Variants in LINGO2 observed in about 807,000 individuals in gnomAD.
LINGO2 encodes leucine rich repeat and Ig domain containing 2, also known as leucine-rich repeat and immunoglobulin-like domain-containing nogo receptor-interacting protein 2.
In LINGO2, 14 loss-of-function variants were observed where a neutral mutation model predicts 30.6. The ratio of observed to expected loss-of-function variants is 0.46; its 90% CI spans 0.30 to 0.72. LINGO2 has a LOEUF of 0.72. Among genes scored for constraint, LINGO2 ranks in the 30% least tolerant of loss-of-function variants. LINGO2 has a pLI of 0.07. For synonymous variants in LINGO2, 317 were observed against 288.5 expected, an observed-to-expected ratio of 1.10 and a Z score of -1.00; for missense variants, 729 against 751.7, an observed-to-expected ratio of 0.97 and a Z score of 0.35.
intron 4 of LINGO2, among the ~76,000 whole-genome samples, chr9:28,087,438 C>T (rs973116363): frequency 5.9e-5 from 9 of 151,970 alleles, no homozygotes; most frequent in African/African-American, 9.7e-5. Flanking sequence ...AGGGTAAAAA[C>T]GAATACCTCT....
At chr9:28,909,719 C>A in the LINGO2 span, among the ~76,000 whole-genome samples, 6 of 152,002 alleles carry the variant, frequency 3.9e-5, no homozygotes, top group Admixed American at 3.3e-4. Flanking sequence ...GCAACTGCAT[C>A]ACCTGATGAG....
chr9:27,982,396 A>C (rs1820922823), intron 5 of LINGO2, among the ~76,000 whole-genome samples: 1 of 151,916 alleles, frequency 6.6e-6, no homozygotes, highest in South Asian at 2.1e-4. Context: ...GTTCAGTGTC[A>C]ACACATATAG....
chr9:28,426,080 A>T (rs874183), intron 2 of LINGO2, among the ~76,000 whole-genome samples: 2 of 151,934 alleles, frequency 1.3e-5, no homozygotes, highest in Admixed American at 6.6e-5. Context: ...TACTGAAATC[A>T]GCTACTTAAA....
the LINGO2 span, among the ~76,000 whole-genome samples, chr9:29,015,094 A>C: frequency 6.6e-6 from 1 of 152,102 alleles, no homozygotes; most frequent in Non-Finnish European, 1.5e-5. Flanking sequence ...ATTGGATTTA[A>C]TAATTCTTGA....
rs1825478861 is a variant in LINGO2 at position 28,601,587 on chromosome 9, T to C, written c.-365+68613A>G. Among the ~76,000 whole-genome samples, 2 of 152,108 alleles carry C rather than the reference T, an allele frequency of 1.3e-5. 1 individual carries two copies. Among genetic ancestry groups the C allele is most frequent in the South Asian group, 4.1e-4 (2 of 4,832 alleles). On this transcript the variant is annotated intron_variant, in intron 1 of 5. Coordinates refer to ENST00000379992, the Ensembl canonical transcript of LINGO2. ...GAGTGGCACAATTAGCATCTTATTA[T>C]GGTGTTTGCTTTCTTCTCTTTTTAT... is the stretch of plus-strand genomic sequence containing the variant.
At chr9:28,305,376 G>C (rs1030584704) in intron 3 of LINGO2, among the ~76,000 whole-genome samples, 2 of 151,932 alleles carry the variant, frequency 1.3e-5, no homozygotes, top group Non-Finnish European at 2.9e-5. Context: ...ATCCAGTTCA[G>C]TACGGCAAGA....
intron 5 of LINGO2, among the ~76,000 whole-genome samples, chr9:28,001,945 C>T (rs950088674): frequency 2.6e-5 from 4 of 152,242 alleles, no homozygotes; most frequent in African/African-American, 9.6e-5. Context: ...AAAAACTTGC[C>T]ACACCACACA....
intron 4 of LINGO2, among the ~76,000 whole-genome samples, chr9:28,038,840 C>T (rs557104799): frequency 2.1e-4 from 32 of 152,132 alleles, no homozygotes; most frequent in African/African-American, 6.3e-4. Context: ...GAAGAATATT[C>T]GCAAACCACA....
At chr9:28,655,728 C>A (rs972317518) in intron 1 of LINGO2, among the ~76,000 whole-genome samples, 3 of 151,904 alleles carry the variant, frequency 2.0e-5, no homozygotes, top group Admixed American at 2.0e-4. Context: ...GGGGCTCCCC[C>A]CTTCACTGGG....
chr9:29,027,604 C>G, the LINGO2 span, among the ~76,000 whole-genome samples: 2 of 152,164 alleles, frequency 1.3e-5, no homozygotes, highest in Non-Finnish European at 2.9e-5. Context: ...TCCCAGAGAG[C>G]TGCGATTACA....
chr9:28,916,951 T>C, the LINGO2 span, among the ~76,000 whole-genome samples: 1 of 152,218 alleles, frequency 6.6e-6, no homozygotes, highest in Non-Finnish European at 1.5e-5. Flanking sequence ...GAAAGTGCTC[T>C]TCTCAATATA....
chr9:28,884,013 CTTA>C, the LINGO2 span, among the ~76,000 whole-genome samples: 1 of 151,856 alleles, frequency 6.6e-6, no homozygotes, highest in African/African-American at 2.4e-5. Context: ...TATTAATATA[CTTA>C]TTATATATTA....
chr9:28,396,561 G>A (rs909770833), intron 2 of LINGO2, among the ~76,000 whole-genome samples: 3 of 151,746 alleles, frequency 2.0e-5, no homozygotes, highest in Non-Finnish European at 4.4e-5. Context: ...AAAATTAGCC[G>A]GGCATGGTGG....
chr9:28,917,884 A>G, the LINGO2 span, among the ~76,000 whole-genome samples: 1 of 152,008 alleles, frequency 6.6e-6, no homozygotes, highest in East Asian at 1.9e-4. Context: ...TTGAATAGTC[A>G]TTAATACGAA....
chr9:28,542,303 G>A (rs896298978), intron 1 of LINGO2, among the ~76,000 whole-genome samples: 1 of 151,866 alleles, frequency 6.6e-6, no homozygotes, highest in East Asian at 1.9e-4. Flanking sequence ...CAAGCTATCT[G>A]CTGATAGCTC....
chr9:28,528,477 C>T (rs530590223), intron 1 of LINGO2, among the ~76,000 whole-genome samples: 23 of 152,282 alleles, frequency 1.5e-4, no homozygotes, highest in African/African-American at 5.5e-4. Flanking sequence ...ATAATTCTTT[C>T]TCAGCTGGAA....
At chr9:29,175,716 G>A in the LINGO2 span, among the ~76,000 whole-genome samples, 1 of 151,694 alleles carries the variant, frequency 6.6e-6, no homozygotes, top group Non-Finnish European at 1.5e-5. Flanking sequence ...TAGTAGAGAC[G>A]GGGTTTCACC....
chr9:27,973,719 G>A (rs920313213), intron 5 of LINGO2, among the ~76,000 whole-genome samples: 4 of 152,232 alleles, frequency 2.6e-5, no homozygotes, highest in Admixed American at 1.3e-4. Context: ...GTACCTGGGC[G>A]TCCTTGAAGA....
At chr9:28,360,100 G>A (rs1247985810) in intron 3 of LINGO2, among the ~76,000 whole-genome samples, 1 of 152,134 alleles carries the variant, frequency 6.6e-6, no homozygotes, top group Non-Finnish European at 1.5e-5. Context: ...AAAGTACTTA[G>A]TACAATTCTT....
Sources: gnomAD v4.1 joint callset for allele counts (sites outside exome capture counted in the v4.1 genomes callset) on GRCh38, gnomAD v4.1.1 for gene constraint, MANE v1.5 for transcripts, NCBI Gene and HGNC (gene_info 2026-07-23, HGNC 2026-07-21) for gene names.